The following GRIN2B variants were observed in gnomAD, a reference collection of about 807,000 sequenced individuals.
GRIN2B encodes the protein glutamate receptor ionotropic, NMDA 2B.
A neutral mutation model predicts 114.5 loss-of-function variants in GRIN2B; 5 were observed. The ratio of observed to expected loss-of-function variants is 0.04; its 90% CI spans 0.02 to 0.09. The LOEUF (loss-of-function observed/expected upper bound fraction) is 0.09, where lower values mean the gene tolerates loss of function less well. Ranked by LOEUF, GRIN2B falls within the 10% of genes least tolerant of loss-of-function variation. The pLI, the probability that GRIN2B is intolerant of heterozygous loss-of-function variation, is 1.00. For synonymous variants in GRIN2B, 787 were observed against 745.1 expected (o/e 1.06, Z -0.92); for missense variants, 1,108 against 1,943.5 (o/e 0.57, Z 8.08).
intron 4 of GRIN2B, among the ~76,000 whole-genome samples, chr12:13,684,737 T>A (rs1300653700): frequency 6.6e-6 from 1 of 152,200 alleles, no homozygotes; most frequent in South Asian, 2.1e-4. Flanking sequence ...GATTAGGTGT[T>A]CAGTATGTTG....
chr12:13,567,365 G>T, intron 12 of GRIN2B, 102 bp from the exon 13 acceptor site: 1 of 775,758 alleles, frequency 1.3e-6, no homozygotes, highest in Non-Finnish European at 2.2e-6. Context: ...AGAAAGATAC[G>T]TGACAGAAAA....
chr12:13,927,965 T>G (rs1405537864), intron 2 of GRIN2B, among the ~76,000 whole-genome samples: 1 of 1,544 alleles, frequency 6.5e-4, no homozygotes. Flanking sequence ...AGACCCTGTC[T>G]CAAAAAAAAA....
intron 2 of GRIN2B, among the ~76,000 whole-genome samples, chr12:13,902,709 G>A (rs1348634352): frequency 6.6e-6 from 1 of 152,154 alleles, no homozygotes; most frequent in Non-Finnish European, 1.5e-5. Context: ...TACTCAGAAG[G>A]CTGAGGCAGG....
intron 10 of GRIN2B, among the ~76,000 whole-genome samples, chr12:13,580,778 A>G (rs1039780611): frequency 5.9e-5 from 9 of 152,218 alleles, no homozygotes; most frequent in African/African-American, 2.2e-4. Context: ...GCCACAATCA[A>G]GACACAAAAC....
chr12:13,883,985 C>T (rs1212799653), intron 2 of GRIN2B, among the ~76,000 whole-genome samples: 2 of 152,008 alleles, frequency 1.3e-5, no homozygotes, highest in African/African-American at 2.4e-5. Context: ...AGCTATGAGT[C>T]GAGGTTCATT....
chr12:13,714,594 A>T (rs1410110929), intron 4 of GRIN2B, among the ~76,000 whole-genome samples: 1 of 151,834 alleles, frequency 6.6e-6, no homozygotes, highest in Non-Finnish European at 1.5e-5. Context: ...CTGATAAATT[A>T]TATTGATGCT....
chr12:13,867,641 G>A (rs1368573006), intron 2 of GRIN2B, among the ~76,000 whole-genome samples: 2 of 152,018 alleles, frequency 1.3e-5, no homozygotes, highest in Non-Finnish European at 2.9e-5. Context: ...TGATCTTCAT[G>A]GACACTCTAT....
rs1163448898 is a variant in GRIN2B, at chr12:13,560,693, A to G, written c.*2090T>C. The stretch of plus-strand genomic sequence containing the variant: ...AAAGCACTCCGTGCTCCTCTCACCA[A>G]ATCTGTGAGAGGTTCAGCCCCTTGC... On this transcript the variant is annotated 3_prime_UTR_variant, in exon 14 of 14. Transcript: ENST00000609686. The G allele has an allele frequency of 1.3e-5, 2 of 152,244 alleles. No homozygotes were observed. Among genetic ancestry groups the G allele is most frequent in the African/African-American group, 4.8e-5 (2 of 41,448 alleles). 9.4% of individuals were successfully genotyped at this position (152,244 alleles called of 1,614,324 possible). A position where few individuals can be genotyped will look rare whatever the true frequency, so the allele number is the denominator to read the frequency against.
At chr12:13,663,554 T>C (rs1949945435) in intron 5 of GRIN2B, among the ~76,000 whole-genome samples, 1 of 152,222 alleles carries the variant, frequency 6.6e-6, no homozygotes, top group South Asian at 2.1e-4. Context: ...TTCTGAGTGA[T>C]AGGCCCAGCA....
At chr12:13,733,847 C>A (rs1269349576) in intron 4 of GRIN2B, among the ~76,000 whole-genome samples, 2 of 152,212 alleles carry the variant, frequency 1.3e-5, no homozygotes, top group Non-Finnish European at 2.9e-5. Context: ...CTTCTAAATT[C>A]TTTCTTTCCA....
intron 2 of GRIN2B, among the ~76,000 whole-genome samples, chr12:13,892,256 A>G (rs1355270102): frequency 2.0e-5 from 3 of 152,236 alleles, no homozygotes; most frequent in East Asian, 1.9e-4. Flanking sequence ...ATTCAGGGCC[A>G]TAATGACAGA....
At chr12:13,764,089 C>A (rs891645477) in intron 3 of GRIN2B, among the ~76,000 whole-genome samples, 4 of 151,226 alleles carry the variant, frequency 2.6e-5, no homozygotes, top group African/African-American at 9.7e-5. Context: ...AGCTCCTAAC[C>A]TGATACAGGG....
rs1250001945 is a variant in GRIN2B at position 13,560,829 on chromosome 12, G to C, written c.*1954C>G. ...GAGGAGGGTTGGGGACAGCAGTCAAGGGCGGGATGAGGAAGGGTCACGAGT... is the reference window on the plus strand; with the variant it reads ...GAGGAGGGTTGGGGACAGCAGTCAACGGCGGGATGAGGAAGGGTCACGAGT... On this transcript the variant is annotated 3_prime_UTR_variant, in exon 14 of 14. Coordinates refer to ENST00000609686, the MANE Select transcript of GRIN2B (RefSeq NM_000834.5). 1 of 152,354 alleles carries C rather than the reference G, an allele frequency of 6.6e-6. No homozygotes were observed. Among genetic ancestry groups the C allele is most frequent in the Admixed American group, 6.5e-5 (1 of 15,286 alleles). The allele number at this position is 152,354 out of a possible 1,614,324, so 9.4% of individuals were successfully genotyped here. A position where few individuals can be genotyped will look rare whatever the true frequency, so the allele number is the denominator to read the frequency against.
intron 11 of GRIN2B, among the ~76,000 whole-genome samples, chr12:13,571,207 C>T (rs1284714196): frequency 2.0e-5 from 3 of 152,178 alleles, no homozygotes; most frequent in Non-Finnish European, 2.9e-5. Context: ...GCTCTGTTAT[C>T]CATTATCTTC....
At chr12:13,675,650 G>T in intron 5 of GRIN2B, 95 bp downstream of exon 5, 2 of 804,444 alleles carry the variant, frequency 2.5e-6, no homozygotes. Context: ...CACAGGTCTA[G>T]GGACAAAAGC....
intron 10 of GRIN2B, among the ~76,000 whole-genome samples, chr12:13,572,626 A>G (rs1948721306): frequency 6.6e-6 from 1 of 152,172 alleles, no homozygotes; most frequent in South Asian, 2.1e-4. Flanking sequence ...TATAATAAAG[A>G]GAAACCTCTT....
intron 5 of GRIN2B, among the ~76,000 whole-genome samples, chr12:13,646,702 T>G (rs1426242003): frequency 6.6e-6 from 1 of 152,098 alleles, no homozygotes; most frequent in Non-Finnish European, 1.5e-5. Flanking sequence ...CGTATTTATT[T>G]TCATTTTTTA....
chr12:13,616,300 C>A (rs1471380586), intron 6 of GRIN2B, among the ~76,000 whole-genome samples, 155 bp downstream of exon 6: 1 of 152,098 alleles, frequency 6.6e-6, no homozygotes, highest in African/African-American at 2.4e-5. Context: ...GACATCAGAC[C>A]AGAGGGCTGC....
intron 3 of GRIN2B, among the ~76,000 whole-genome samples, chr12:13,791,343 C>T (rs1435414702): frequency 2.0e-5 from 3 of 150,532 alleles, no homozygotes; most frequent in Middle Eastern, 3.2e-3. Context: ...CCCAGCTACT[C>T]GGAGAGGCTG....
Sources: gnomAD v4.1 joint callset for allele counts (sites outside exome capture counted in the v4.1 genomes callset) on GRCh38, gnomAD v4.1.1 for gene constraint, MANE v1.5 for transcripts, NCBI Gene and HGNC (gene_info 2026-07-23, HGNC 2026-07-21) for gene names.